The following ANXA13 variants were observed in gnomAD, a reference collection of about 807,000 sequenced individuals.
ANXA13 encodes annexin A13.
Under a neutral mutation model 46.6 loss-of-function variants are expected in ANXA13, and 36 were observed. That is an observed-to-expected ratio of 0.77 (90% confidence interval 0.59 to 1.02). The LOEUF (loss-of-function observed/expected upper bound fraction) is 1.02. ANXA13 is among the 50% of genes least tolerant of loss of function. The pLI, the probability that ANXA13 is intolerant of heterozygous loss-of-function variation, is 0.00. For missense variants in ANXA13, 417 were observed against 396.5 expected, an observed-to-expected ratio of 1.05 and a Z score of -0.44; for synonymous variants, 163 against 152.9, an observed-to-expected ratio of 1.07 and a Z score of -0.49.
At chr8:123,682,521 C>T (rs1813058133) in intron 10 of ANXA13, among the ~76,000 whole-genome samples, 1 of 152,168 alleles carries the variant, frequency 6.6e-6, no homozygotes. Context: ...CTTCTCTTGC[C>T]CCAGTGAGAG....
rs1433278491 is a variant in ANXA13, at chr8:123,690,493, C to T, written c.643-1547G>A. ...CAAGAAGGTACTGCCCTGTCTGCTT[C>T]CTGCCCCACCCTACTCCTGGTAGCT... On this transcript the variant is annotated intron_variant, in intron 8 of 10. Transcript: ENST00000419625. This position sits in a 1 kb window ranked among gnomAD's most constrained non-coding sequence, Gnocchi z 4.6. Among the ~76,000 whole-genome samples the T allele has an allele frequency of 6.6e-6, 1 of 152,200 alleles. No individual in the cohort carries two copies. Among genetic ancestry groups the T allele is most frequent in the African/African-American group, 2.4e-5 (1 of 41,448 alleles).
intron 1 of ANXA13, among the ~76,000 whole-genome samples, chr8:123,718,968 C>A (rs1178080341): frequency 1.3e-5 from 2 of 152,156 alleles, no homozygotes; most frequent in Non-Finnish European, 2.9e-5. Context: ...GCCTTCTGTC[C>A]CAGTCCAATT....
At chr8:123,700,699 T>G (rs1268742612) in intron 3 of ANXA13, among the ~76,000 whole-genome samples, 1 of 152,190 alleles carries the variant, frequency 6.6e-6, no homozygotes, top group Non-Finnish European at 1.5e-5. Context: ...ATCCGATTTT[T>G]CTTTCTTTCT....
chr8:123,727,316 G>A (rs7820718), intron 1 of ANXA13, among the ~76,000 whole-genome samples: 55,122 of 152,048 alleles, frequency 0.36, 10,360 homozygotes, highest in South Asian at 0.48. Flanking sequence ...TCAATCTTCA[G>A]GAGAAGCTGA....
intron 3 of ANXA13, 111 bp from the exon 4 acceptor site, chr8:123,698,670 T>G: frequency 8.4e-7 from 1 of 1,186,822 alleles, no homozygotes. Context: ...GCTGTGGACA[T>G]GAATTCTGCC....
intron 1 of ANXA13, chr8:123,735,663 G>T (rs1217430600): frequency 7.3e-7 from 1 of 1,367,942 alleles, no homozygotes; most frequent in Non-Finnish European, 9.6e-7. Context: ...GCTGGTGGAG[G>T]GTCCAACATG....
chr8:123,684,562 A>G (rs1349713157), intron 10 of ANXA13, 48 bp downstream of exon 10: 3 of 1,324,370 alleles, frequency 2.3e-6, no homozygotes, highest in Non-Finnish European at 3.3e-6. Flanking sequence ...TCAGTGGTGG[A>G]AAAAAGAGAA....
Position 123,681,332 on chromosome 8 carries a change from A to T in ANXA13, c.859T>A (p.Phe287Ile). Residue 287 changes from phenylalanine to isoleucine, a missense_variant, in exon 11 of 11, where the codon TTC becomes ATC. Transcript: ENST00000419625. ...AGAGACTTCTGATACTTCTCTTGGA[A>T]CTTTGCTTTGATCCCCTGAAGGTCC... Reference protein sequence around the residue: ...EVDLQGIKAKFQEKYQKSLSD... With the variant: ...EVDLQGIKAKIQEKYQKSLSD... 3.7e-6 allele frequency: 6 copies of T among 1,614,008 alleles called. No homozygotes were observed. Among genetic ancestry groups the T allele is most frequent in the Non-Finnish European group, 5.1e-6 (6 of 1,179,966 alleles).
intron 1 of ANXA13, 85 bp from the exon 2 acceptor site, chr8:123,712,838 C>A (rs112304259): frequency 1.5e-5 from 18 of 1,169,742 alleles, no homozygotes; most frequent in Middle Eastern, 1.9e-4. Context: ...AACTGGAGGA[C>A]CAAATAGTCA....
intron 9 of ANXA13, among the ~76,000 whole-genome samples, chr8:123,686,567 G>C (rs1478757887): frequency 6.6e-6 from 1 of 152,168 alleles, no homozygotes; most frequent in Non-Finnish European, 1.5e-5. Flanking sequence ...TTTGCCTTCA[G>C]AGTGAGTTCC....
chr8:123,736,837 A>G (rs1412926607), intron 1 of ANXA13, among the ~76,000 whole-genome samples: 1 of 139,252 alleles, frequency 7.2e-6, no homozygotes, highest in African/African-American at 2.7e-5. Context: ...GGAATAATAT[A>G]TCCCCAGTGC....
At chr8:123,694,714 A>G (rs1813298685) in intron 6 of ANXA13, among the ~76,000 whole-genome samples, 1 of 152,182 alleles carries the variant, frequency 6.6e-6, no homozygotes, top group Non-Finnish European at 1.5e-5. Context: ...AGCGAACCCA[A>G]ATATTATTCA....
chr8:123,706,357 C>G lies in ANXA13; in HGVS notation c.92-3621G>C, dbSNP rs115624130. Among the ~76,000 whole-genome samples, 1,236 of 152,356 alleles carry G rather than the reference C, an allele frequency of 8.1e-3. 20 individuals carry two copies. Among genetic ancestry groups the G allele is most frequent in the African/African-American group, 0.027 (1,137 of 41,584 alleles). ...CCATTCAGGCCACTCCTGTCCCAGA[C>G]GAGGGCCTTGGCCTCTCAGGCCTGG... On this transcript the variant is annotated intron_variant, in intron 2 of 10. Coordinates refer to ENST00000419625, the MANE Select transcript of ANXA13 (RefSeq NM_004306.4).
rs1813188792 is a variant in ANXA13 at position 123,689,073 on chromosome 8, A to G, written c.643-127T>C. 6.2e-6 allele frequency: 5 copies of G among 809,748 alleles called. No individual in the cohort carries two copies. In the Admixed American group the frequency reaches 8.0e-5, roughly 13 times the overall value. 50.2% of individuals were successfully genotyped at this position (809,748 alleles called of 1,614,324 possible). On this transcript the variant is annotated intron_variant, in intron 8 of 10. Transcript: ENST00000419625. ...AGTCCTGTGGCTTCAGGGAACTGCT[A>G]TCCTGACTCTTGCCTTGTAGGATTG...
chr8:123,737,224 A>T (rs898474947), intron 1 of ANXA13, 96 bp downstream of exon 1: 5 of 1,216,688 alleles, frequency 4.1e-6, no homozygotes, highest in Non-Finnish European at 6.0e-6. Flanking sequence ...AACCATAGTG[A>T]TAAAGTATAC....
intron 8 of ANXA13, among the ~76,000 whole-genome samples, chr8:123,689,298 A>AT (rs560513221): frequency 7.0e-4 from 103 of 146,986 alleles, no homozygotes; most frequent in African/African-American, 1.9e-3. Context: ...ATAATCATAG[A>AT]TTTTTTTTTT....
chr8:123,714,492 C>T (rs1249651818), intron 1 of ANXA13, among the ~76,000 whole-genome samples: 1 of 152,218 alleles, frequency 6.6e-6, no homozygotes, highest in Non-Finnish European at 1.5e-5. Context: ...TACAAATCCT[C>T]AGACACAGCA....
rs149087670 is a variant in ANXA13, at chr8:123,681,268, C to T, written c.923G>A (p.Arg308Gln). 2.9e-5 allele frequency: 46 copies of T among 1,613,890 alleles called. No individual in the cohort carries two copies. The highest frequency in any genetic ancestry group is 1.1e-4 in the African/African-American group (8 of 74,942). ...GTGCAAGAGGGCTACTAGCAGTTTC[C>T]GGAAGTCCCCGGAGGTATCTGAGCG... ...MVRSDTSGDF[R>Q]KLLVALLH Residue 308 changes from arginine to glutamine, a missense_variant, in exon 11 of 11, where the codon CGG (arginine) becomes CAG (glutamine). Arg to Gln is a conservative substitution (Grantham distance 43, BLOSUM62 1). Transcript: ENST00000419625.
intron 1 of ANXA13, among the ~76,000 whole-genome samples, chr8:123,721,612 A>T (rs376999585): frequency 6.6e-6 from 1 of 152,294 alleles, no homozygotes. Context: ...TTGGAAGTTT[A>T]CTATAGGAAG....
Sources: allele counts gnomAD v4.1 joint callset (sites outside exome capture counted in the v4.1 genomes callset), GRCh38; gene constraint gnomAD v4.1.1; non-coding constraint Gnocchi (gnomAD v3.1); transcripts MANE v1.5; gene names NCBI Gene and HGNC (gene_info 2026-07-23, HGNC 2026-07-21).